Variants in DIP2C observed in about 807,000 individuals in gnomAD.
DIP2C encodes the protein disco-interacting protein 2 homolog C.
A neutral mutation model predicts 192.4 loss-of-function variants in DIP2C; 33 were observed. That is an observed-to-expected ratio of 0.17 (90% confidence interval 0.13 to 0.23). The LOEUF (loss-of-function observed/expected upper bound fraction) is 0.23, where lower values mean the gene tolerates loss of function less well. Among genes scored for constraint, DIP2C ranks in the 10% least tolerant of loss-of-function variants. The pLI is 1.00. For missense variants in DIP2C, 1,537 were observed against 2,110.1 expected, an observed-to-expected ratio of 0.73 and a Z score of 5.32; for synonymous variants, 979 against 864.1, an observed-to-expected ratio of 1.13 and a Z score of -2.33.
chr10:477,166 A>T (rs933311270), intron 2 of DIP2C, among the ~76,000 whole-genome samples: 1 of 146,868 alleles, frequency 6.8e-6, no homozygotes, highest in African/African-American at 2.6e-5. Flanking sequence ...AAGGTCAAAG[A>T]AACAGGCTTA....
At chr10:420,514 C>G (rs1014418256) in intron 5 of DIP2C, among the ~76,000 whole-genome samples, 1 of 152,238 alleles carries the variant, frequency 6.6e-6, no homozygotes, top group Non-Finnish European at 1.5e-5. Flanking sequence ...CACACCCCCT[C>G]AAGTCCTCAG....
chr10:378,132 C>T (rs12218949), intron 17 of DIP2C, among the ~76,000 whole-genome samples: 1 of 152,160 alleles, frequency 6.6e-6, no homozygotes, highest in Non-Finnish European at 1.5e-5. Flanking sequence ...CCACAAGCCC[C>T]TATTTCCCCA....
chr10:464,916 G>C (rs1174775041), intron 3 of DIP2C, among the ~76,000 whole-genome samples: 2 of 150,906 alleles, frequency 1.3e-5, no homozygotes, highest in African/African-American at 4.9e-5. Flanking sequence ...ACCAAAAAGA[G>C]TCCAGGACCA....
chr10:475,444 T>G (rs920135911), intron 2 of DIP2C, among the ~76,000 whole-genome samples: 1 of 152,170 alleles, frequency 6.6e-6, no homozygotes, highest in Non-Finnish European at 1.5e-5. Flanking sequence ...GTACCACACC[T>G]ATCTGGTCCA....
chr10:279,705 T>C (rs987588202), intron 36 of DIP2C, among the ~76,000 whole-genome samples: 1 of 152,168 alleles, frequency 6.6e-6, no homozygotes, highest in Non-Finnish European at 1.5e-5. Flanking sequence ...ACCTGGATCA[T>C]CTCAAACATT....
intron 1 of DIP2C, among the ~76,000 whole-genome samples, chr10:555,927 G>A (rs1026883598): frequency 6.6e-6 from 1 of 152,104 alleles, no homozygotes; most frequent in Non-Finnish European, 1.5e-5. Flanking sequence ...GCCCGGCCCT[G>A]CAGCAGCAGC....
intron 22 of DIP2C, among the ~76,000 whole-genome samples, chr10:360,904 T>G (rs1016260557): frequency 4.6e-5 from 7 of 152,198 alleles, no homozygotes; most frequent in African/African-American, 1.7e-4. Flanking sequence ...ATGTTTGCTT[T>G]GGCTTCCAAT....
intron 1 of DIP2C, among the ~76,000 whole-genome samples, chr10:557,912 G>A (rs1349012244): frequency 2.2e-5 from 3 of 139,102 alleles, no homozygotes; most frequent in African/African-American, 5.2e-5. Context: ...GGGGAAGGGG[G>A]CGGGGAAGGG....
In DIP2C at chr10:365,886, A is replaced by G. The variant is rs1350000695; in HGVS notation, c.2268+389T>C. ...TAAAGGGGCTCTAGTTGGCTTCCCC[A>G]GGCGAGGGTTCGTACCTGGCCACGT... On this transcript the variant is annotated intron_variant, in intron 19 of 36. Coordinates refer to ENST00000280886, the MANE Select transcript of DIP2C (RefSeq NM_014974.3). Among the ~76,000 whole-genome samples, 3 of 152,162 alleles carry G rather than the reference A, an allele frequency of 2.0e-5. No homozygotes were observed. In the East Asian group the frequency reaches 5.8e-4, roughly 29 times the overall value.
At chr10:315,679 G>T (rs1956745356) in intron 31 of DIP2C, among the ~76,000 whole-genome samples, 1 of 152,202 alleles carries the variant, frequency 6.6e-6, no homozygotes, top group South Asian at 2.1e-4. Context: ...CATTTACTCT[G>T]CCTGGAGTTG....
chr10:593,717 G>C (rs1323335936), intron 1 of DIP2C, among the ~76,000 whole-genome samples: 2 of 152,172 alleles, frequency 1.3e-5, no homozygotes, highest in Non-Finnish European at 2.9e-5. Flanking sequence ...CACAGCAAGT[G>C]CTGAAGAAAT....
chr10:400,792 A>G (rs1485364096), intron 9 of DIP2C, among the ~76,000 whole-genome samples: 2 of 151,598 alleles, frequency 1.3e-5, no homozygotes, highest in African/African-American at 4.9e-5. Context: ...GTGTGGTAGC[A>G]TTAGCATTAC....
chr10:468,446 CCAAT>C (rs1343960490), intron 3 of DIP2C, among the ~76,000 whole-genome samples: 3 of 152,038 alleles, frequency 2.0e-5, no homozygotes, highest in East Asian at 1.9e-4. Context: ...GCTCCATATG[CCAAT>C]CAGTCATTAT....
chr10:347,617 T>C (rs1282752366), intron 26 of DIP2C, among the ~76,000 whole-genome samples: 8 of 55,298 alleles, frequency 1.4e-4, no homozygotes, highest in Non-Finnish European at 2.0e-4. Context: ...AAACCCTACA[T>C]ACACCCAACC....
intron 1 of DIP2C, among the ~76,000 whole-genome samples, chr10:523,373 GTC>G (rs1413656409): frequency 1.4e-3 from 209 of 144,548 alleles, no homozygotes; most frequent in African/African-American, 5.0e-3. Flanking sequence ...GGGACTCTGT[GTC>G]ACCCACACAC....
intron 1 of DIP2C, among the ~76,000 whole-genome samples, chr10:547,232 C>G (rs1442891666): frequency 6.6e-6 from 1 of 152,222 alleles, no homozygotes; most frequent in Non-Finnish European, 1.5e-5. Flanking sequence ...CAGCCCCCAT[C>G]GCGAGGCCAC....
intron 10 of DIP2C, among the ~76,000 whole-genome samples, chr10:391,826 T>G (rs2132956672): frequency 6.6e-6 from 1 of 152,314 alleles, no homozygotes; most frequent in South Asian, 2.1e-4. Flanking sequence ...TTCCCACCTG[T>G]TCCCTGATAA....
chr10:670,865 G>A (rs1423560310), intron 1 of DIP2C, among the ~76,000 whole-genome samples: 1 of 152,186 alleles, frequency 6.6e-6, no homozygotes, highest in African/African-American at 2.4e-5. Context: ...GTAATTAATT[G>A]TTATACCAGG....
At chr10:585,170 CTA>C (rs1000615569) in intron 1 of DIP2C, among the ~76,000 whole-genome samples, 8 of 152,224 alleles carry the variant, frequency 5.3e-5, no homozygotes, top group African/African-American at 1.9e-4. Context: ...AGCTTGACCT[CTA>C]TGAGCCCGGA....
Sources: allele counts gnomAD v4.1 joint callset (sites outside exome capture counted in the v4.1 genomes callset), GRCh38; gene constraint gnomAD v4.1.1; transcripts MANE v1.5; gene names NCBI Gene and HGNC (gene_info 2026-07-23, HGNC 2026-07-21).